Variants in MNT observed in about 807,000 individuals in gnomAD.
MNT encodes MAX network transcriptional repressor.
In MNT, 13 loss-of-function variants were observed where a neutral mutation model predicts 40.7. That is an observed-to-expected ratio of 0.32 (90% confidence interval 0.21 to 0.51). The LOEUF is 0.51. Among genes scored for constraint, MNT ranks in the 20% least tolerant of loss-of-function variants. The probability of loss-of-function intolerance (pLI) is 0.98; values close to 1 mark genes in which losing one functional copy is unlikely to be tolerated. For missense variants in MNT, 757 were observed against 792.0 expected (o/e 0.96, Z 0.53); for synonymous variants, 426 against 354.8 (o/e 1.20, Z -2.26).
In MNT at chr17:2,384,136, G is replaced by T. The variant is rs1050272872; in HGVS notation, c.*2765C>A. 6.6e-6 allele frequency: 1 copy of T among 152,472 alleles called. No individual in the cohort carries two copies. The highest frequency in any genetic ancestry group is 2.4e-5 in the African/African-American group (1 of 41,362). 9.4% of individuals were successfully genotyped at this position (152,472 alleles called of 1,614,324 possible). On this transcript the variant is annotated 3_prime_UTR_variant, in exon 6 of 6. Transcript: ENST00000174618. Reference sequence around the variant, plus strand: ...ATTCCAGGCAAGTGCTTATTACATGGATAGTATTCATGTCTCGGTAACTAA... The same window carrying T: ...ATTCCAGGCAAGTGCTTATTACATGTATAGTATTCATGTCTCGGTAACTAA...
In MNT at chr17:2,395,134, T is replaced by C; in HGVS notation, c.394A>G (p.Lys132Glu). 6.8e-7 allele frequency: 1 copy of C among 1,468,560 alleles called. No homozygotes were observed. The highest frequency in any genetic ancestry group is 9.0e-7 in the Non-Finnish European group (1 of 1,113,522). 91.0% of individuals were successfully genotyped at this position (1,468,560 alleles called of 1,614,324 possible). ...ALVGAPGLSI[K>E]EPAPLPSRPQ... ...CTGCTGGGCAGGGGGGCAGGCTCCT[T>C]AATGCTGAGTCCGGGGGCGCCAACC... The change falls in exon 2 of 6, where the codon AAG (lysine) becomes GAG (glutamate). Residue 132 changes from lysine (K) to glutamate (E), a missense_variant. Physicochemically the swap from Lys to Glu is moderately conservative, Grantham distance 56 (BLOSUM62 1). Transcript: ENST00000174618.
chr17:2,386,752 A>G lies in MNT; in HGVS notation c.*149T>C. On this transcript the variant is annotated 3_prime_UTR_variant, in exon 6 of 6. Coordinates refer to ENST00000174618, the MANE Select transcript of MNT (RefSeq NM_020310.3). ...GTGGCCCTTCCCTCCCTTGGCTCAG[A>G]GTCTTTGCACCCCCTTCCCCTAGGA... 1.4e-6 allele frequency: 1 copy of G among 722,314 alleles called. No individual in the cohort carries two copies. The highest frequency in any genetic ancestry group is 2.0e-6 in the Non-Finnish European group (1 of 497,890). 44.7% of individuals were successfully genotyped at this position (722,314 alleles called of 1,614,324 possible). A position where few individuals can be genotyped will look rare whatever the true frequency, so the allele number is the denominator to read the frequency against.
rs768116563 is a variant in MNT at position 2,387,193 on chromosome 17, G to T, written c.1457C>A (p.Pro486His). 4 of 1,607,508 alleles carry T rather than the reference G, an allele frequency of 2.5e-6. No individual in the cohort carries two copies. The highest frequency in any genetic ancestry group is 3.4e-5 in the Admixed American group (2 of 58,418). Residue 486 changes from proline to histidine, a missense_variant, in exon 6 of 6, where the codon CCC becomes CAC. Coordinates refer to ENST00000174618, the MANE Select transcript of MNT (RefSeq NM_020310.3). ...GTGCACAGTGATGTGCCCAATGGGG[G>T]GTGTGGCAGGCGCCAGTTGCACCGC... ...SPAVQLAPAT[P>H]PIGHITVHPA...
At chr17:2,390,863 G>C (rs2066507755) in intron 4 of MNT, 1 of 152,214 alleles carries the variant, frequency 6.6e-6, no homozygotes, top group African/African-American at 2.4e-5. Flanking sequence ...AAACCTGGCA[G>C]CTTGACACTT....
intron 1 of MNT, 86 bp from the exon 2 acceptor site, chr17:2,395,540 C>A: frequency 6.3e-7 from 1 of 1,576,092 alleles, no homozygotes. Flanking sequence ...CTAGCCCAGT[C>A]AGTACTCAGT....
intron 1 of MNT, chr17:2,400,423 G>A (rs900411189): frequency 6.1e-5 from 28 of 458,452 alleles, no homozygotes; most frequent in Middle Eastern, 1.2e-3. Context: ...GCGCCCGCAG[G>A]AGCCAGGTCC....
rs1555610477 is a variant in MNT, at chr17:2,384,599, T to TGC, written c.*2301_*2302insGC. ...GGTAAGATGTGTGCGTGTGCGTGCG[T>TGC]GTGTGTGTGTGTGTGTGTGTGTGTG... On this transcript the variant is annotated 3_prime_UTR_variant, in exon 6 of 6. Coordinates refer to ENST00000174618, the MANE Select transcript of MNT (RefSeq NM_020310.3). The TGC allele has an allele frequency of 3.6e-4, 52 of 146,182 alleles. No individual in the cohort carries two copies. Among genetic ancestry groups the TGC allele is most frequent in the East Asian group, 7.9e-4 (4 of 5,058 alleles). The allele number at this position is 146,182 out of a possible 1,614,324, so 9.1% of individuals were successfully genotyped here. A position where few individuals can be genotyped will look rare whatever the true frequency, so the allele number is the denominator to read the frequency against.
intron 1 of MNT, among the ~76,000 whole-genome samples, chr17:2,398,988 T>G: frequency 6.6e-6 from 1 of 150,382 alleles, no homozygotes; most frequent in African/African-American, 2.4e-5. Flanking sequence ...CCCCGCCCCT[T>G]GCCCGCTGCC....
At position 2,387,516 on chromosome 17, in the gene MNT, C is replaced by T. The variant is rs763398157; in HGVS notation, c.1134G>A (p.Leu378=). 6.2e-6 allele frequency: 10 copies of T among 1,612,430 alleles called. No individual in the cohort carries two copies. The highest frequency in any genetic ancestry group is 1.3e-5 in the African/African-American group (1 of 74,548). The change falls in exon 6 of 6, where the codon CTG becomes CTA. Residue 378 remains leucine, a synonymous_variant. Transcript: ENST00000174618. ...LPPPSTTPAP[L]PPHPHPHPHS... is the part of the protein sequence containing the mutation. ...GGGGGTGAGGGTGTGGGTGTGGAGGCAGAGGCGCAGGGGTGGTGCTGGGGG... is the reference window on the plus strand; with the variant it reads ...GGGGGTGAGGGTGTGGGTGTGGAGGTAGAGGCGCAGGGGTGGTGCTGGGGG...
At position 2,400,644 on chromosome 17, in the gene MNT, T is replaced by C. The variant is rs749569520; in HGVS notation, c.69A>G (p.Ala23=). ...LEWQAQQQQR[A]REEQERLRLE... is the part of the protein sequence containing the mutation. Reference sequence around the variant, plus strand: ...GGGCCCAGCCCGGCCGCTCACCACGTGCTCTCTGTTGTTGCTGCGCTTGCC... The same window carrying C: ...GGGCCCAGCCCGGCCGCTCACCACGCGCTCTCTGTTGTTGCTGCGCTTGCC... The change falls in exon 1 of 6, where the codon GCA becomes GCG. Residue 23 remains alanine, a synonymous_variant. Transcript: ENST00000174618. The C allele has an allele frequency of 1.9e-6, 3 of 1,584,048 alleles. No homozygotes were observed. The highest frequency in any genetic ancestry group is 3.5e-5 in the Admixed American group (2 of 56,832).
At chr17:2,398,055 G>A (rs947787396) in intron 1 of MNT, among the ~76,000 whole-genome samples, 2 of 152,262 alleles carry the variant, frequency 1.3e-5, no homozygotes, top group African/African-American at 4.8e-5. Context: ...AGGGCTAGGG[G>A]TGGAGGAGTC....
intron 4 of MNT, 165 bp from the exon 5 acceptor site, chr17:2,388,214 G>T: frequency 1.6e-6 from 1 of 630,774 alleles, no homozygotes; most frequent in Non-Finnish European, 2.7e-6. Flanking sequence ...TGTGGTCCAT[G>T]CCCCTGCCCA....
At chr17:2,393,906 C>T (rs907373233) in intron 4 of MNT, 137 bp downstream of exon 4, 6 of 472,730 alleles carry the variant, frequency 1.3e-5, no homozygotes, top group African/African-American at 2.1e-5. Context: ...GGGCCATGTG[C>T]TCAGCGCCCG....
rs2066464250 is a variant in MNT at position 2,386,652 on chromosome 17, G to A, written c.*249C>T. 10 of 456,038 alleles carry A rather than the reference G, an allele frequency of 2.2e-5. No homozygotes were observed. The South Asian group carries it at 5.0e-4, about 23-fold the overall frequency. 28.2% of individuals were successfully genotyped at this position (456,038 alleles called of 1,614,324 possible). On this transcript the variant is annotated 3_prime_UTR_variant, in exon 6 of 6. Transcript: ENST00000174618. ...AGGAGCGGCACTGGAGCTGGCACTG[G>A]GCCGGACAGGTGGCACATTCCATCA...
In MNT at chr17:2,400,413, G is replaced by C; in HGVS notation, c.73+227C>G. 4 of 443,986 alleles carry C rather than the reference G, an allele frequency of 9.0e-6. No homozygotes were observed. In the South Asian group the frequency reaches 1.2e-4, roughly 13 times the overall value. 27.5% of individuals were successfully genotyped at this position (443,986 alleles called of 1,614,324 possible). ...ACAGGGGTGCCACGCAGCCGGGGTG[G>C]CGCCCGCAGGAGCCAGGTCCCTCGC... On this transcript the variant is annotated intron_variant, in intron 1 of 5. Coordinates refer to ENST00000174618, the MANE Select transcript of MNT (RefSeq NM_020310.3).
chr17:2,390,104 C>G (rs1054249182), intron 4 of MNT: 1 of 152,230 alleles, frequency 6.6e-6, no homozygotes, highest in Non-Finnish European at 1.5e-5. Flanking sequence ...CTGTCCCTGT[C>G]CGAGCTGTGA....
chr17:2,386,144 C>T lies in MNT; in HGVS notation c.*757G>A, dbSNP rs948044688. On this transcript the variant is annotated 3_prime_UTR_variant, in exon 6 of 6. Coordinates refer to ENST00000174618, the MANE Select transcript of MNT (RefSeq NM_020310.3). The stretch of plus-strand genomic sequence containing the variant: ...GGGAAGGACAGCCAAGTCCCTCCTT[C>T]CCCACCTCAGCCTGCCCTCCTGAGG... 7 of 152,274 alleles carry T rather than the reference C, an allele frequency of 4.6e-5. No homozygotes were observed. The highest frequency in any genetic ancestry group is 1.3e-4 in the Admixed American group (2 of 15,290). The allele number at this position is 152,274 out of a possible 1,614,324, so 9.4% of individuals were successfully genotyped here. A position where few individuals can be genotyped will look rare whatever the true frequency, so the allele number is the denominator to read the frequency against.
In MNT at chr17:2,395,362, C is replaced by T. The variant is rs1393890248; in HGVS notation, c.166G>A (p.Glu56Lys). The T allele has an allele frequency of 4.3e-6, 7 of 1,613,460 alleles. No individual in the cohort carries two copies. The highest frequency in any genetic ancestry group is 5.9e-6 in the Non-Finnish European group (7 of 1,179,870). The change falls in exon 2 of 6, where the codon GAG (glutamate) becomes AAG (lysine). Residue 56 changes from glutamate (E) to lysine (K), a missense_variant. Coordinates refer to ENST00000174618, the MANE Select transcript of MNT (RefSeq NM_020310.3). The stretch of plus-strand genomic sequence containing the variant: ...GGTGGCGCCTCCATGCGGGGTTCCT[C>T]CACAGGAAGGGTATGTGCCAGCCTG... ...LARLAHTLPV[E>K]EPRMEAPPLP...
At chr17:2,393,515 C>T (rs1159552354) in intron 4 of MNT, among the ~76,000 whole-genome samples, 3 of 152,326 alleles carry the variant, frequency 2.0e-5, no homozygotes, top group East Asian at 3.9e-4. Context: ...CACACTCGGG[C>T]CGTGGCGCCT....
Sources: gnomAD v4.1 joint callset for allele counts (sites outside exome capture counted in the v4.1 genomes callset) on GRCh38, gnomAD v4.1.1 for gene constraint, MANE v1.5 for transcripts, NCBI Gene and HGNC (gene_info 2026-07-23, HGNC 2026-07-21) for gene names.